The following TENM3 variants were observed in gnomAD, a reference collection of about 807,000 sequenced individuals.
TENM3 encodes teneurin-3.
A neutral mutation model predicts 255.1 loss-of-function variants in TENM3; 63 were observed. The observed-to-expected ratio is 0.25, with a 90% confidence interval of 0.20 to 0.30. The LOEUF (loss-of-function observed/expected upper bound fraction) is 0.30. Among genes scored for constraint, TENM3 ranks in the 10% least tolerant of loss-of-function variants. The pLI is 1.00. For synonymous variants in TENM3, 1,306 were observed against 1,322.3 expected (o/e 0.99, Z 0.27); for missense variants, 2,929 against 3,461.1 (o/e 0.85, Z 3.86).
At chr4:181,607,316 C>A in the TENM3 span, among the ~76,000 whole-genome samples, 9,570 of 152,268 alleles carry the variant, frequency 0.063, 374 homozygotes, top group South Asian at 0.12. Flanking sequence ...ATACAGTAGG[C>A]ACTAGCCATA....
chr4:181,973,590 GA>G, the TENM3 span, among the ~76,000 whole-genome samples: 1 of 151,602 alleles, frequency 6.6e-6, no homozygotes, highest in Non-Finnish European at 1.5e-5. Context: ...GTCTCTACAA[GA>G]AAAAAAATAA....
chr4:182,121,249 C>T, the TENM3 span, among the ~76,000 whole-genome samples: 9 of 152,148 alleles, frequency 5.9e-5, no homozygotes, highest in Admixed American at 2.6e-4. Context: ...CCGCCCAACT[C>T]GGCCTCCCAA....
chr4:181,990,313 A>G, the TENM3 span, among the ~76,000 whole-genome samples: 300 of 152,312 alleles, frequency 2.0e-3, 4 homozygotes, highest in African/African-American at 6.9e-3. Context: ...TGAAGTAAGC[A>G]AGCTCAGAGT....
the TENM3 span, among the ~76,000 whole-genome samples, chr4:181,565,022 C>T: frequency 4.9e-4 from 75 of 152,088 alleles, no homozygotes; most frequent in African/African-American, 1.7e-3. Context: ...CAGATATTAC[C>T]GCAATTGTAT....
At chr4:181,865,101 C>T in the TENM3 span, among the ~76,000 whole-genome samples, 1 of 152,222 alleles carries the variant, frequency 6.6e-6, no homozygotes, top group Non-Finnish European at 1.5e-5. Context: ...AAGCATCTTT[C>T]ACCATTCTTT....
At chr4:182,762,084 G>T (rs12651562) in intron 22 of TENM3, among the ~76,000 whole-genome samples, 72,176 of 152,042 alleles carry the variant, frequency 0.47, 18,440 homozygotes, top group East Asian at 0.8. Context: ...ACTGGGGAAA[G>T]AGTATGTTGT....
the TENM3 span, among the ~76,000 whole-genome samples, chr4:181,812,671 C>T: frequency 3.9e-5 from 6 of 152,144 alleles, no homozygotes; most frequent in Middle Eastern, 3.4e-3. Context: ...ATTTTTGGCT[C>T]GGAGGACAGC....
chr4:181,467,125 A>ATATATATTTT, the TENM3 span, among the ~76,000 whole-genome samples: 2 of 17,624 alleles, frequency 1.1e-4, no homozygotes, highest in African/African-American at 5.0e-4. Context: ...ATATATATAT[A>ATATATATTTT]TTTTTTTTTT....
At chr4:181,913,486 C>T in the TENM3 span, among the ~76,000 whole-genome samples, 1 of 152,166 alleles carries the variant, frequency 6.6e-6, no homozygotes, top group Non-Finnish European at 1.5e-5. Flanking sequence ...GTAGTCCCTA[C>T]TGCTGTGTCT....
chr4:182,468,343 G>A (rs903357818), intron 3 of TENM3, among the ~76,000 whole-genome samples: 1 of 152,166 alleles, frequency 6.6e-6, no homozygotes, highest in African/African-American at 2.4e-5. Flanking sequence ...TGTGGGTGGG[G>A]CTGTGTGGTT....
intron 1 of TENM3, among the ~76,000 whole-genome samples, chr4:182,320,693 C>T (rs920323864): frequency 6.6e-6 from 1 of 152,174 alleles, no homozygotes; most frequent in African/African-American, 2.4e-5. Flanking sequence ...TGGGGAGACA[C>T]AATTCAAACC....
the TENM3 span, among the ~76,000 whole-genome samples, chr4:181,908,386 G>A: frequency 5.9e-5 from 9 of 152,256 alleles, no homozygotes; most frequent in Non-Finnish European, 1.2e-4. Context: ...TGAGAACAGA[G>A]CTGTCCACCC....
At chr4:182,794,477 C>G (rs1162795557) in intron 26 of TENM3, among the ~76,000 whole-genome samples, 1 of 152,194 alleles carries the variant, frequency 6.6e-6, no homozygotes, top group Non-Finnish European at 1.5e-5. Context: ...ATTCCTGCCT[C>G]ACCACCATTG....
At chr4:182,025,368 G>C in the TENM3 span, among the ~76,000 whole-genome samples, 1 of 152,170 alleles carries the variant, frequency 6.6e-6, no homozygotes, top group African/African-American at 2.4e-5. Flanking sequence ...ATTCCATTGT[G>C]TGTATGTACC....
the TENM3 span, among the ~76,000 whole-genome samples, chr4:181,604,634 A>T: frequency 2.6e-4 from 39 of 152,188 alleles, no homozygotes; most frequent in Admixed American, 2.6e-3. Context: ...CTACCTACTC[A>T]GTGCCCCTGC....
chr4:182,702,338 A>G (rs1757934876), intron 12 of TENM3, among the ~76,000 whole-genome samples: 1 of 152,212 alleles, frequency 6.6e-6, no homozygotes, highest in Non-Finnish European at 1.5e-5. Context: ...GAGGCAGAGT[A>G]CAAGGGGCTT....
At chr4:181,794,632 G>A in the TENM3 span, among the ~76,000 whole-genome samples, 1 of 145,720 alleles carries the variant, frequency 6.9e-6, no homozygotes, top group African/African-American at 2.5e-5. Flanking sequence ...CTTTTTTAAG[G>A]CATTTCCTTC....
chr4:181,843,095 C>T, the TENM3 span, among the ~76,000 whole-genome samples: 1 of 152,148 alleles, frequency 6.6e-6, no homozygotes, highest in Non-Finnish European at 1.5e-5. Context: ...TTCAGTAACG[C>T]AATTTATTTT....
the TENM3 span, among the ~76,000 whole-genome samples, chr4:181,600,045 T>C: frequency 6.6e-6 from 1 of 152,244 alleles, no homozygotes; most frequent in African/African-American, 2.4e-5. Flanking sequence ...TCAGATATTT[T>C]TAGTTTTGGT....
Sources: gnomAD v4.1 joint callset for allele counts (sites outside exome capture counted in the v4.1 genomes callset) on GRCh38, gnomAD v4.1.1 for gene constraint, MANE v1.5 for transcripts, NCBI Gene and HGNC (gene_info 2026-07-23, HGNC 2026-07-21) for gene names.